Variants in RORB observed in about 807,000 individuals in gnomAD.
RORB encodes the protein nuclear receptor ROR-beta.
In RORB, 6 loss-of-function variants were observed where a neutral mutation model predicts 59.1. The observed-to-expected ratio is 0.10, with a 90% confidence interval of 0.06 to 0.20. The LOEUF (loss-of-function observed/expected upper bound fraction) is 0.20. Ranked by LOEUF, RORB falls within the 10% of genes least tolerant of loss-of-function variation. The pLI is 1.00. For missense variants in RORB, 320 were observed against 560.5 expected (o/e 0.57, Z 4.33); for synonymous variants, 215 against 204.5 (o/e 1.05, Z -0.44).
At chr9:74,601,197 A>G (rs890342722) in intron 1 of RORB, among the ~76,000 whole-genome samples, 1 of 151,982 alleles carries the variant, frequency 6.6e-6, no homozygotes, top group Admixed American at 6.5e-5. Context: ...TGCAATTTAT[A>G]GTAGGAAAAA....
intron 1 of RORB, among the ~76,000 whole-genome samples, chr9:74,598,927 C>T (rs1356584720): frequency 2.0e-5 from 3 of 152,110 alleles, no homozygotes; most frequent in African/African-American, 7.2e-5. Flanking sequence ...GAGGACCAAA[C>T]CAGAAGAGGA....
chr9:74,502,675 A>G (rs1449613956), intron 1 of RORB, among the ~76,000 whole-genome samples: 1 of 152,076 alleles, frequency 6.6e-6, no homozygotes, highest in African/African-American at 2.4e-5. Context: ...GGATTCTGCA[A>G]ATTTGTATAT....
intron 4 of RORB, among the ~76,000 whole-genome samples, chr9:74,643,302 A>G (rs1328892357): frequency 6.6e-6 from 1 of 152,268 alleles, no homozygotes; most frequent in Non-Finnish European, 1.5e-5. Context: ...GCGATAGACC[A>G]GAAGACCGCC....
intron 1 of RORB, among the ~76,000 whole-genome samples, chr9:74,512,474 G>A (rs1489196219): frequency 1.3e-5 from 2 of 152,136 alleles, no homozygotes; most frequent in African/African-American, 4.8e-5. Context: ...TCATATATTA[G>A]TACTAACACC....
chr9:74,659,833 C>T (rs1189485009), intron 4 of RORB, among the ~76,000 whole-genome samples: 1 of 151,948 alleles, frequency 6.6e-6, no homozygotes, highest in African/African-American at 2.4e-5. Context: ...AAATACAACT[C>T]GATTGGGATA....
chr9:74,635,551 C>T (rs544028334), intron 3 of RORB, among the ~76,000 whole-genome samples: 1 of 152,318 alleles, frequency 6.6e-6, no homozygotes, highest in African/African-American at 2.4e-5. Context: ...GGACACATCA[C>T]CCTTGTATCA....
At position 74,497,938 on chromosome 9, in the gene RORB, C is replaced by G. The variant is rs777308599; in HGVS notation, c.-39C>G. The G allele has an allele frequency of 1.2e-6, 2 of 1,610,168 alleles. No homozygotes were observed. The highest frequency in any genetic ancestry group is 1.7e-6 in the Non-Finnish European group (2 of 1,178,542). On this transcript the variant is annotated 5_prime_UTR_variant, in exon 1 of 10. Transcript: ENST00000376896. ...GGCTCTCCGGGGTTCGGGCTGGGAG[C>G]AGCTTCATGACTACGCGGAGCGGGA...
Position 74,541,729 on chromosome 9 carries a change from G to A in RORB, c.7+43746G>A, listed in dbSNP as rs569764869. Among the ~76,000 whole-genome samples, 5 of 152,202 alleles carry A rather than the reference G, an allele frequency of 3.3e-5. No homozygotes were observed. In the South Asian group the frequency reaches 8.3e-4, roughly 25 times the overall value. ...ATAAACTTACAAACATACCTAATCC[G>A]GAAAGGAGAAGGAGGGCATTTAAGC... On this transcript the variant is annotated intron_variant, in intron 1 of 9. Coordinates refer to ENST00000376896, the MANE Select transcript of RORB (RefSeq NM_006914.4).
At chr9:74,675,563 T>A in intron 9 of RORB, among the ~76,000 whole-genome samples, 1 of 152,210 alleles carries the variant, frequency 6.6e-6, no homozygotes, top group Non-Finnish European at 1.5e-5. Flanking sequence ...TTAAGTACTC[T>A]TTGGATATTT....
chr9:74,682,754 A>C (rs1824567756), intron 9 of RORB, among the ~76,000 whole-genome samples: 1 of 152,204 alleles, frequency 6.6e-6, no homozygotes, highest in African/African-American at 2.4e-5. Context: ...TGTATAATTT[A>C]CTTTTTTAAG....
chr9:74,616,980 G>A (rs1368960811), intron 1 of RORB, among the ~76,000 whole-genome samples: 1 of 143,408 alleles, frequency 7.0e-6, no homozygotes, highest in Non-Finnish European at 1.5e-5. Context: ...CCAAATTAAA[G>A]CTGTAGCTTT....
At chr9:74,552,813 A>AAAT (rs753804338) in intron 1 of RORB, among the ~76,000 whole-genome samples, 40 of 151,890 alleles carry the variant, frequency 2.6e-4, no homozygotes, top group South Asian at 6.2e-4. Context: ...TAAAGACACA[A>AAAT]AATAATAATA....
intron 1 of RORB, among the ~76,000 whole-genome samples, chr9:74,570,484 G>A (rs1054432484): frequency 6.6e-6 from 1 of 152,204 alleles, no homozygotes; most frequent in East Asian, 1.9e-4. Context: ...ACATTTGTGG[G>A]AAGAACTGGA....
chr9:74,640,319 C>A (rs780095344), intron 3 of RORB, among the ~76,000 whole-genome samples: 5 of 152,062 alleles, frequency 3.3e-5, no homozygotes, highest in Non-Finnish European at 1.5e-5. Context: ...CGGCTCACTG[C>A]AGTTTCTGCC....
intron 1 of RORB, among the ~76,000 whole-genome samples, chr9:74,532,853 CAT>C (rs1318179564): frequency 1.5e-4 from 4 of 27,330 alleles, no homozygotes; most frequent in Non-Finnish European, 2.0e-4. Flanking sequence ...TATATATACA[CAT>C]ATATATGTGT....
At chr9:74,627,353 A>C (rs757507675) in intron 1 of RORB, among the ~76,000 whole-genome samples, 68 of 152,174 alleles carry the variant, frequency 4.5e-4, no homozygotes, top group Non-Finnish European at 7.5e-4. Context: ...ACCCCTTTCC[A>C]CACACAGCTA....
Position 74,690,199 on chromosome 9 carries a change from G to C in RORB, c.*4581G>C, listed in dbSNP as rs1824717897. On this transcript the variant is annotated 3_prime_UTR_variant, in exon 10 of 10. Coordinates refer to ENST00000376896, the MANE Select transcript of RORB (RefSeq NM_006914.4). ...CAACTGTCAGTATAAGCAGCAACTAGAGTAAAGGCCTGATGTGGGAAACTA... is the reference window on the plus strand; with the variant it reads ...CAACTGTCAGTATAAGCAGCAACTACAGTAAAGGCCTGATGTGGGAAACTA... 1.3e-5 allele frequency: 2 copies of C among 152,188 alleles called. No individual in the cohort carries two copies. The highest frequency in any genetic ancestry group is 1.3e-4 in the Admixed American group (2 of 15,274). The allele number at this position is 152,188 out of a possible 1,614,324, so 9.4% of individuals were successfully genotyped here.
chr9:74,606,299 T>C (rs1274897516), intron 1 of RORB, among the ~76,000 whole-genome samples: 2 of 152,242 alleles, frequency 1.3e-5, no homozygotes, highest in African/African-American at 4.8e-5. Context: ...TTTTCTGCTT[T>C]TACCTTTAAG....
Position 74,590,769 on chromosome 9 carries a change from TTTTTG to T in RORB, c.8-39488_8-39484del, listed in dbSNP as rs201941714. ...ACTTCAAAAATCTTCCTAATCTGTT[TTTTTG>T]TTTTGTTTTGTTTTGTTTTGTTTTA... On this transcript the variant is annotated intron_variant, in intron 1 of 9. Transcript: ENST00000376896. 2.4e-3 allele frequency among the ~76,000 whole-genome samples: 358 copies of T among 152,208 alleles called. 3 individuals are homozygous for T. Among genetic ancestry groups the T allele is most frequent in the African/African-American group, 7.6e-3 (317 of 41,536 alleles).
Sources: allele counts gnomAD v4.1 joint callset (sites outside exome capture counted in the v4.1 genomes callset), GRCh38; gene constraint gnomAD v4.1.1; transcripts MANE v1.5; gene names NCBI Gene and HGNC (gene_info 2026-07-23, HGNC 2026-07-21).